The following NEU4 variants were observed in gnomAD, a reference collection of about 807,000 sequenced individuals.
NEU4 encodes the protein sialidase-4.
Under a neutral mutation model 9.9 loss-of-function variants are expected in NEU4, and 7 were observed. That is an observed-to-expected ratio of 0.71 (90% CI 0.40 to 1.33). NEU4 has a LOEUF of 1.33. NEU4 is among the 40% of genes most tolerant of loss of function. NEU4 has a pLI of 0.01. For missense variants in NEU4, 717 were observed against 712.6 expected, an observed-to-expected ratio of 1.01 and a Z score of -0.07; for synonymous variants, 348 against 316.9, an observed-to-expected ratio of 1.10 and a Z score of -1.04.
At chr2:241,815,413 A>AGCAGG (rs1700291358) in intron 3 of NEU4, 1 of 578,902 alleles carries the variant, frequency 1.7e-6, no homozygotes, top group African/African-American at 2.0e-5. Flanking sequence ...TCTCCCCAGG[A>AGCAGG]CCGTCCTGCA....
chr2:241,813,551 C>T, intron 1 of NEU4: 1 of 1,269,716 alleles, frequency 7.9e-7, no homozygotes, highest in Non-Finnish European at 1.0e-6. Context: ...CCATGCGTGC[C>T]CCAAATGCCC....
Position 241,816,302 on chromosome 2 carries a change from C to A in NEU4, c.709C>A (p.Leu237Ile). ...AVDGGQAGSF[L>I]YCNARSPLGS... Reference sequence around the variant, plus strand: ...GGACGGTGGGCAGGCCGGCAGCTTCCTCTACTGCAATGCCCGGAGCCCACT... The same window carrying A: ...GGACGGTGGGCAGGCCGGCAGCTTCATCTACTGCAATGCCCGGAGCCCACT... The change falls in exon 4 of 4, where the codon CTC becomes ATC. Residue 237 changes from leucine (L) to isoleucine (I), a missense_variant. Transcript: ENST00000407683. The A allele has an allele frequency of 6.3e-7, 1 of 1,577,150 alleles. No individual in the cohort carries two copies. Among genetic ancestry groups the A allele is most frequent in the Admixed American group, 1.8e-5 (1 of 55,350 alleles).
In NEU4 at chr2:241,816,937, T is replaced by A. The variant is rs1221871756; in HGVS notation, c.1344T>A (p.Asp448Glu). Residue 448 changes from aspartate to glutamate, a missense_variant, in exon 4 of 4, where the codon GAT (aspartate) becomes GAA (glutamate). Asp to Glu is a conservative substitution (Grantham distance 45, BLOSUM62 2). Coordinates refer to ENST00000407683, the MANE Select transcript of NEU4 (RefSeq NM_001167600.3). ...AGAGCGGGGCCAGGACCTCCTATGA[T>A]GAGATTTCCTTTTGTACATTCTCCC... ...LYESGARTSYDEISFCTFSLR... is the reference protein window; with the variant it reads ...LYESGARTSYEEISFCTFSLR... The A allele has an allele frequency of 1.3e-6, 2 of 1,591,598 alleles. No homozygotes were observed. Among genetic ancestry groups the A allele is most frequent in the African/African-American group, 2.7e-5 (2 of 74,464 alleles).
At chr2:241,810,532 G>A (rs1037497700) in intron 1 of NEU4, 3 of 152,390 alleles carry the variant, frequency 2.0e-5, no homozygotes, top group African/African-American at 7.2e-5. Context: ...GGGGAGGGAG[G>A]GACAGTGAGA....
intron 3 of NEU4, 26 bp downstream of exon 3, chr2:241,815,173 G>C: frequency 6.6e-7 from 1 of 1,512,854 alleles, no homozygotes; most frequent in Non-Finnish European, 8.8e-7. Flanking sequence ...GCCGGTCTGG[G>C]TCCCTTTGAT....
Position 241,814,972 on chromosome 2 carries a change from C to T in NEU4, c.282C>T (p.Gly94=), listed in dbSNP as rs1700263504. Residue 94 remains glycine, a synonymous_variant, in exon 3 of 4, where the codon GGC becomes GGT. Transcript: ENST00000407683. ...SMNPCPVHDA[G]TGTVFLFFIA... ...ACCCCTGCCCTGTGCACGATGCTGGCACGGGCACCGTCTTCCTCTTCTTCA... is the reference window on the plus strand; with the variant it reads ...ACCCCTGCCCTGTGCACGATGCTGGTACGGGCACCGTCTTCCTCTTCTTCA... The T allele has an allele frequency of 2.5e-6, 4 of 1,610,984 alleles. No homozygotes were observed. The highest frequency in any genetic ancestry group is 1.7e-6 in the Non-Finnish European group (2 of 1,179,758).
In NEU4 at chr2:241,816,618, A is replaced by T; in HGVS notation, c.1025A>T (p.Asp342Val). ...TTCAGCCGTCTGCAGCCTCGGGGGG[A>T]TGGCCCCAGGCAGCCTGGCCCCAGG... Reference protein sequence around the residue: ...GPFSRLQPRGDGPRQPGPRPG... With the variant: ...GPFSRLQPRGVGPRQPGPRPG... The change falls in exon 4 of 4, where the codon GAT becomes GTT. Residue 342 changes from aspartate to valine, a missense_variant. Physicochemically the swap from Asp to Val is radical, Grantham distance 152. Transcript: ENST00000407683. 1 of 1,571,826 alleles carries T rather than the reference A, an allele frequency of 6.4e-7. No individual in the cohort carries two copies. Among genetic ancestry groups the T allele is most frequent in the Non-Finnish European group, 8.6e-7 (1 of 1,161,618 alleles).
chr2:241,817,083 C>T lies in NEU4; in HGVS notation c.*35C>T. On this transcript the variant is annotated 3_prime_UTR_variant, in exon 4 of 4. Coordinates refer to ENST00000407683, the MANE Select transcript of NEU4 (RefSeq NM_001167600.3). ...TGGCCGTGCCCATGCCCCTTGGGTG[C>T]CTGGGGCAGAGGGGTGGAATACGTT... 2 of 1,520,004 alleles carry T rather than the reference C, an allele frequency of 1.3e-6. No homozygotes were observed. Among genetic ancestry groups the T allele is most frequent in the Non-Finnish European group, 1.8e-6 (2 of 1,137,974 alleles). The allele number at this position is 1,520,004 out of a possible 1,614,324, so 94.2% of individuals were successfully genotyped here.
In NEU4 at chr2:241,815,323, C is replaced by T. The variant is rs571227252; in HGVS notation, c.457+176C>T. On this transcript the variant is annotated intron_variant, in intron 3 of 3. Coordinates refer to ENST00000407683, the MANE Select transcript of NEU4 (RefSeq NM_001167600.3). ...CCCGTCCCAGGCAAATCCCTCTCCC[C>T]AGGACCGTCCTGAGCCTCCCGTCCC... 34 of 954,824 alleles carry T rather than the reference C, an allele frequency of 3.6e-5. No individual in the cohort carries two copies. The Admixed American group carries it at 5.4e-4, about 15-fold the overall frequency. 59.1% of individuals were successfully genotyped at this position (954,824 alleles called of 1,614,324 possible).
At chr2:241,809,298 T>A in intron 1 of NEU4, 24 bp downstream of exon 1, 8 of 1,273,172 alleles carry the variant, frequency 6.3e-6, no homozygotes, top group Non-Finnish European at 8.2e-6. Flanking sequence ...GAATAGAAAT[T>A]TGGGGTCTTT....
chr2:241,811,416 G>A (rs374313948), intron 1 of NEU4: 20 of 1,555,666 alleles, frequency 1.3e-5, no homozygotes, highest in Middle Eastern at 1.7e-4. Flanking sequence ...TGGGTCAGGC[G>A]AGGCAGCCAC....
chr2:241,814,763 G>A lies in NEU4; in HGVS notation c.201+78G>A, dbSNP rs772244033. The stretch of plus-strand genomic sequence containing the variant: ...GCTGCACACCCCGGGATGGGGCGGG[G>A]GTGGCGGCGGCAGGCAGATGCCCGA... On this transcript the variant is annotated intron_variant, in intron 2 of 3. Coordinates refer to ENST00000407683, the MANE Select transcript of NEU4 (RefSeq NM_001167600.3). 1.8e-3 allele frequency: 2,768 copies of A among 1,505,424 alleles called. 4 individuals are homozygous for A. The highest frequency in any genetic ancestry group is 2.3e-3 in the Non-Finnish European group (2,626 of 1,124,094). The allele number at this position is 1,505,424 out of a possible 1,614,324, so 93.3% of individuals were successfully genotyped here.
chr2:241,812,677 A>G (rs762012888), intron 1 of NEU4, among the ~76,000 whole-genome samples: 1 of 142,680 alleles, frequency 7.0e-6, no homozygotes, highest in Non-Finnish European at 1.5e-5. Context: ...TGTGGAACCC[A>G]GGGCCTGGCC....
chr2:241,815,836 C>T (rs902643253), intron 3 of NEU4: 8 of 605,388 alleles, frequency 1.3e-5, no homozygotes, highest in African/African-American at 7.4e-5. Context: ...CCCTGGGTGC[C>T]GTCCACCTGG....
At chr2:241,811,170 G>C in intron 1 of NEU4, 1 of 1,228,016 alleles carries the variant, frequency 8.1e-7, no homozygotes, top group African/African-American at 1.6e-5. Flanking sequence ...GCCCTTGTTG[G>C]AGGGCGCACC....
At chr2:241,810,161 G>A (rs912732461) in intron 1 of NEU4, among the ~76,000 whole-genome samples, 1 of 152,184 alleles carries the variant, frequency 6.6e-6, no homozygotes, top group Non-Finnish European at 1.5e-5. Context: ...TGGCCAAGTT[G>A]CCTGGACTGG....
intron 1 of NEU4, chr2:241,811,570 G>T: frequency 9.7e-7 from 1 of 1,027,098 alleles, no homozygotes; most frequent in East Asian, 3.2e-5. Flanking sequence ...CCTCTGTCTG[G>T]GGGTGCTGGA....
At chr2:241,810,729 GGGA>G (rs1700087227) in intron 1 of NEU4, 1 of 158,698 alleles carries the variant, frequency 6.3e-6, no homozygotes, top group African/African-American at 2.4e-5. Context: ...GAGTCCTGCG[GGGA>G]CAGGCTGGGG....
In NEU4 at chr2:241,816,403, C is replaced by G. The variant is rs777937036; in HGVS notation, c.810C>G (p.Pro270=). The G allele has an allele frequency of 8.1e-6, 13 of 1,603,116 alleles. No individual in the cohort carries two copies. The highest frequency in any genetic ancestry group is 1.6e-4 in the Middle Eastern group (1 of 6,062). The change falls in exon 4 of 4, where the codon CCC becomes CCG. Residue 270 remains proline, a synonymous_variant. Transcript: ENST00000407683. Reference sequence around the variant, plus strand: ...CCGCAGAGCGCGTGGCTTCCCTGCCCGAGACTGCCTGGGGCTGCCAGGGCA... The same window carrying G: ...CCGCAGAGCGCGTGGCTTCCCTGCCGGAGACTGCCTGGGGCTGCCAGGGCA... ...FLPAERVASL[P]ETAWGCQGSI...
Sources: allele counts gnomAD v4.1 joint callset (sites outside exome capture counted in the v4.1 genomes callset), GRCh38; gene constraint gnomAD v4.1.1; transcripts MANE v1.5; gene names NCBI Gene and HGNC (gene_info 2026-07-23, HGNC 2026-07-21).